ARHGEF10: variants seen among roughly 807,000 people sequenced by gnomAD.
ARHGEF10 encodes Rho guanine nucleotide exchange factor 10.
A neutral mutation model predicts 147.4 loss-of-function variants in ARHGEF10; 140 were observed. That is an observed-to-expected ratio of 0.95 (90% CI 0.83 to 1.09). The LOEUF (loss-of-function observed/expected upper bound fraction) is 1.09. ARHGEF10 is among the 50% of genes least tolerant of loss of function. ARHGEF10 has a pLI of 0.00. For synonymous variants in ARHGEF10, 902 were observed against 695.8 expected, an observed-to-expected ratio of 1.30 and a Z score of -4.67; for missense variants, 2,222 against 1,752.7, an observed-to-expected ratio of 1.27 and a Z score of -4.78.
Position 1,958,198 on chromosome 8 carries a change from T to C in ARHGEF10, c.*935T>C, listed in dbSNP as rs948010263. The C allele has an allele frequency of 6.6e-6, 1 of 152,282 alleles. No individual in the cohort carries two copies. The highest frequency in any genetic ancestry group is 2.4e-5 in the African/African-American group (1 of 41,474). 9.4% of individuals were successfully genotyped at this position (152,282 alleles called of 1,614,324 possible). On this transcript the variant is annotated 3_prime_UTR_variant, in exon 29 of 29. Coordinates refer to ENST00000349830, the MANE Select transcript of ARHGEF10 (RefSeq NM_014629.4). ...GCACGCTCCGAATGACTCCTGGTGC[T>C]AGGCCATGCTGGCTGCTGTCACTGA... is the stretch of plus-strand genomic sequence containing the variant.
At chr8:1,866,480 T>G (rs757147412) in intron 5 of ARHGEF10, 46 bp from the exon 6 acceptor site, 1 of 1,584,242 alleles carries the variant, frequency 6.3e-7, no homozygotes, top group South Asian at 1.1e-5. Context: ...CCTAGTGACT[T>G]GGGCTGTGCC....
At chr8:1,900,654 T>C (rs1810378778) in intron 15 of ARHGEF10, among the ~76,000 whole-genome samples, 1 of 152,238 alleles carries the variant, frequency 6.6e-6, no homozygotes, top group Admixed American at 6.5e-5. Flanking sequence ...CTTTTCTTTT[T>C]TGAAAACATA....
rs1447812530 is a variant in ARHGEF10 at position 1,953,777 on chromosome 8, C to T, written c.3520+950C>T. ...GCCTGCAGTGACGCGGAAAACTCCT[C>T]GTCCTGTTAAGTTCAGTAAACCACA... On this transcript the variant is annotated intron_variant, in intron 28 of 28. Coordinates refer to ENST00000349830, the MANE Select transcript of ARHGEF10 (RefSeq NM_014629.4). 5.3e-5 allele frequency among the ~76,000 whole-genome samples: 8 copies of T among 152,294 alleles called. No homozygotes were observed. The East Asian group carries it at 5.8e-4, about 11-fold the overall frequency.
chr8:1,893,195 G>A (rs1274676363), intron 11 of ARHGEF10, among the ~76,000 whole-genome samples: 2 of 149,662 alleles, frequency 1.3e-5, no homozygotes, highest in Non-Finnish European at 3.0e-5. Flanking sequence ...AACATTCATT[G>A]ATCAAGACTG....
rs143429151 is a variant in ARHGEF10, at chr8:1,877,122, A to T, written c.843+388A>T. Among the ~76,000 whole-genome samples the T allele has an allele frequency of 6.6e-4, 100 of 152,376 alleles. No homozygotes were observed. In the East Asian group the frequency reaches 0.014, roughly 21 times the overall value. On this transcript the variant is annotated intron_variant, in intron 8 of 28. Coordinates refer to ENST00000349830, the MANE Select transcript of ARHGEF10 (RefSeq NM_014629.4). ...ACACAGCACATCTGCACTTTGCTTT[A>T]AGTGAGGTTTCAACTTTAGCATGTT...
chr8:1,939,466 C>A (rs1033491858), intron 26 of ARHGEF10, among the ~76,000 whole-genome samples: 1 of 152,204 alleles, frequency 6.6e-6, no homozygotes, highest in Non-Finnish European at 1.5e-5. Flanking sequence ...TTGGGGGCAA[C>A]ACTCCCTCCA....
intron 1 of ARHGEF10, among the ~76,000 whole-genome samples, chr8:1,840,351 T>C (rs1316475047): frequency 3.3e-5 from 4 of 120,024 alleles, no homozygotes; most frequent in African/African-American, 7.0e-5. Flanking sequence ...GGGGACTGTC[T>C]GGTGTGGAAG....
chr8:1,860,908 T>A (rs549038063), intron 4 of ARHGEF10, among the ~76,000 whole-genome samples: 1 of 152,272 alleles, frequency 6.6e-6, no homozygotes, highest in African/African-American at 2.4e-5. Flanking sequence ...GAGAATTGCC[T>A]CAGGGGCTCC....
chr8:1,873,648 A>G (rs1807364653), intron 7 of ARHGEF10, among the ~76,000 whole-genome samples: 1 of 125,266 alleles, frequency 8.0e-6, no homozygotes, highest in African/African-American at 3.3e-5. Flanking sequence ...AGTTGCCTTG[A>G]GAGGTGCCGC....
rs1039777770 is a variant in ARHGEF10, at chr8:1,937,244, G to A, written c.3222+3302G>A. On this transcript the variant is annotated intron_variant, in intron 26 of 28. Transcript: ENST00000349830. The surrounding 1 kb of genome is among the most constrained non-coding windows in gnomAD (Gnocchi z 4.9). ...GAATGAGAAGCCTTCAGTTTCGTGG[G>A]GAGCCAGGGATTAGCTAGTGCGGCC... Among the ~76,000 whole-genome samples, 4 of 152,154 alleles carry A rather than the reference G, an allele frequency of 2.6e-5. No individual in the cohort carries two copies. The highest frequency in any genetic ancestry group is 9.7e-5 in the African/African-American group (4 of 41,424).
intron 2 of ARHGEF10, among the ~76,000 whole-genome samples, chr8:1,851,762 A>G (rs1476634762): frequency 6.6e-6 from 1 of 151,898 alleles, no homozygotes; most frequent in Non-Finnish European, 1.5e-5. Context: ...AAAATAATAA[A>G]ACTTAGCCAG....
At chr8:1,952,578 C>A (rs1815142365) in intron 27 of ARHGEF10, 127 bp from the exon 28 acceptor site, 2 of 1,309,242 alleles carry the variant, frequency 1.5e-6, no homozygotes, top group African/African-American at 1.5e-5. Flanking sequence ...AACTCCTGTG[C>A]CACATCCTGC....
chr8:1,943,391 G>A (rs1814267691), intron 26 of ARHGEF10, among the ~76,000 whole-genome samples: 1 of 152,158 alleles, frequency 6.6e-6, no homozygotes, highest in African/African-American at 2.4e-5. Flanking sequence ...CAGGTTGGAG[G>A]TGGAGTGTCA....
At chr8:1,889,752 G>A (rs542520191) in intron 11 of ARHGEF10, among the ~76,000 whole-genome samples, 2 of 125,300 alleles carry the variant, frequency 1.6e-5, no homozygotes, top group East Asian at 2.4e-4. Context: ...ACATTGAGTG[G>A]GATGAGGGTT....
chr8:1,887,963 A>T (rs62477548), intron 11 of ARHGEF10, among the ~76,000 whole-genome samples: 2 of 150,216 alleles, frequency 1.3e-5, no homozygotes, highest in South Asian at 2.1e-4. Flanking sequence ...CTGTGATGAG[A>T]CACTGTGAGT....
intron 10 of ARHGEF10, among the ~76,000 whole-genome samples, chr8:1,885,398 C>G (rs1159576243): frequency 1.3e-5 from 2 of 152,098 alleles, no homozygotes; most frequent in Non-Finnish European, 2.9e-5. Flanking sequence ...ATTTTAAATA[C>G]AGACAAATAT....
At position 1,948,515 on chromosome 8, in the gene ARHGEF10, G is replaced by C. The variant is rs952555157; in HGVS notation, c.3397+2860G>C. ...TCCCAGGCTGTGGTCTGCTGCCACC[G>C]TGGCCTTGTCAGCAGGAGAAAGGTA... On this transcript the variant is annotated intron_variant, in intron 27 of 28. Transcript: ENST00000349830. This position sits in a 1 kb window ranked among gnomAD's most constrained non-coding sequence, Gnocchi z 4.9. Among the ~76,000 whole-genome samples the C allele has an allele frequency of 6.6e-6, 1 of 152,172 alleles. No homozygotes were observed. Among genetic ancestry groups the C allele is most frequent in the Non-Finnish European group, 1.5e-5 (1 of 68,020 alleles).
intron 2 of ARHGEF10, among the ~76,000 whole-genome samples, chr8:1,846,534 C>T (rs1250201433): frequency 2.0e-5 from 3 of 152,158 alleles, no homozygotes; most frequent in Admixed American, 2.0e-4. Flanking sequence ...TGGTTTTTTT[C>T]CCCATATTTC....
Position 1,859,886 on chromosome 8 carries a change from T to A in ARHGEF10, c.194-11T>A. ...GATGTGTCTGCTGACAAGTCCTTTCTGCATCCCCAGGAGGTGAGGATGGAG... is the reference window on the plus strand; with the variant it reads ...GATGTGTCTGCTGACAAGTCCTTTCAGCATCCCCAGGAGGTGAGGATGGAG... On this transcript the variant is annotated splice_polypyrimidine_tract_variant and intron_variant, in intron 3 of 28. Coordinates refer to ENST00000349830, the MANE Select transcript of ARHGEF10 (RefSeq NM_014629.4). 1 of 1,613,954 alleles carries A rather than the reference T, an allele frequency of 6.2e-7. No homozygotes were observed. The highest frequency in any genetic ancestry group is 8.5e-7 in the Non-Finnish European group (1 of 1,180,006).
Sources: gnomAD v4.1 joint callset for allele counts (sites outside exome capture counted in the v4.1 genomes callset) on GRCh38, gnomAD v4.1.1 for gene constraint, Gnocchi (gnomAD v3.1) non-coding constraint, MANE v1.5 for transcripts, NCBI Gene and HGNC (gene_info 2026-07-23, HGNC 2026-07-21) for gene names.